The following EFCAB11 variants were observed in gnomAD, a reference collection of about 807,000 sequenced individuals.
The protein encoded by EFCAB11 is EF-hand calcium-binding domain-containing protein 11.
Under a neutral mutation model 23.0 loss-of-function variants are expected in EFCAB11, and 14 were observed. The ratio of observed to expected loss-of-function variants is 0.61; its 90% CI spans 0.40 to 0.95. EFCAB11 has a LOEUF of 0.95. Ranked by LOEUF, EFCAB11 falls within the 40% of genes least tolerant of loss-of-function variation. The pLI is 0.00. For missense variants in EFCAB11, 198 were observed against 195.8 expected (o/e 1.01, Z -0.07); for synonymous variants, 65 against 66.6 (o/e 0.98, Z 0.11).
At chr14:89,817,950 C>T (rs905338334) in intron 5 of EFCAB11, among the ~76,000 whole-genome samples, 62 of 151,906 alleles carry the variant, frequency 4.1e-4, no homozygotes, top group Admixed American at 3.7e-3. Context: ...GCCAAGATCA[C>T]GCCACCGTAC....
chr14:89,944,486 T>C (rs1890897107), intron 3 of EFCAB11, among the ~76,000 whole-genome samples: 1 of 152,140 alleles, frequency 6.6e-6, no homozygotes, highest in African/African-American at 2.4e-5. Flanking sequence ...GGGTAAGATC[T>C]TCATCCAGAA....
intron 5 of EFCAB11, chr14:89,923,730 C>G (rs1890093343): frequency 1.0e-6 from 1 of 985,236 alleles, no homozygotes; most frequent in African/African-American, 1.7e-5. Flanking sequence ...TGTGATCTTA[C>G]TGAAGTTGCA....
intron 5 of EFCAB11, among the ~76,000 whole-genome samples, chr14:89,866,336 G>A (rs532141327): frequency 1.3e-5 from 2 of 152,094 alleles, no homozygotes; most frequent in Non-Finnish European, 2.9e-5. Flanking sequence ...CCAATTAAAC[G>A]CATGGCCAGG....
intron 5 of EFCAB11, among the ~76,000 whole-genome samples, chr14:89,872,203 T>C (rs1888295494): frequency 6.6e-6 from 1 of 152,248 alleles, no homozygotes; most frequent in African/African-American, 2.4e-5. Flanking sequence ...ACAGTTTCTC[T>C]CCATTTGTTC....
chr14:89,924,484 G>A (rs912817170), intron 5 of EFCAB11: 5 of 1,394,328 alleles, frequency 3.6e-6, no homozygotes, highest in Admixed American at 6.1e-5. Context: ...ACTGACAGGT[G>A]GTGGGAATGT....
chr14:89,953,039 C>T (rs1891232403), intron 2 of EFCAB11, among the ~76,000 whole-genome samples: 3 of 152,098 alleles, frequency 2.0e-5, no homozygotes, highest in Non-Finnish European at 4.4e-5. Context: ...AGGCTCAGCT[C>T]AACTCTCATT....
In EFCAB11 at chr14:89,796,636, G is replaced by A. The variant is rs1026236796; in HGVS notation, c.*607C>T. 8 of 152,158 alleles carry A rather than the reference G, an allele frequency of 5.3e-5. No homozygotes were observed. The highest frequency in any genetic ancestry group is 1.9e-4 in the African/African-American group (8 of 41,414). 9.4% of individuals were successfully genotyped at this position (152,158 alleles called of 1,614,324 possible). A position where few individuals can be genotyped will look rare whatever the true frequency, so the allele number is the denominator to read the frequency against. On this transcript the variant is annotated 3_prime_UTR_variant, in exon 6 of 6. Coordinates refer to ENST00000316738, the MANE Select transcript of EFCAB11 (RefSeq NM_145231.4). ...AAGTCTTAAGCCTATGCTTCCCAAGGCCTGGCTGATTGCTTGGAACATAGT... is the reference window on the plus strand; with the variant it reads ...AAGTCTTAAGCCTATGCTTCCCAAGACCTGGCTGATTGCTTGGAACATAGT...
At chr14:89,813,977 A>C (rs1234415868) in intron 5 of EFCAB11, among the ~76,000 whole-genome samples, 1 of 151,962 alleles carries the variant, frequency 6.6e-6, no homozygotes, top group Non-Finnish European at 1.5e-5. Context: ...TCTTTCAGTG[A>C]CTACATGGTC....
At chr14:89,843,668 G>A (rs111638696) in intron 5 of EFCAB11, among the ~76,000 whole-genome samples, 4 of 152,106 alleles carry the variant, frequency 2.6e-5, no homozygotes, top group Admixed American at 6.5e-5. Context: ...ACTTTATTAC[G>A]TTAACATATA....
At chr14:89,919,204 C>CAGAG (rs61549850) in intron 5 of EFCAB11, among the ~76,000 whole-genome samples, 28 of 147,766 alleles carry the variant, frequency 1.9e-4, no homozygotes, top group East Asian at 1.2e-3. Context: ...GAGAGAGAGA[C>CAGAG]AGAGAGAGAG....
intron 5 of EFCAB11, among the ~76,000 whole-genome samples, chr14:89,817,663 T>G (rs892705108): frequency 3.3e-5 from 5 of 152,158 alleles, no homozygotes; most frequent in African/African-American, 7.2e-5. Context: ...GGTATTTAGA[T>G]TCACTATTTA....
chr14:89,836,779 G>A (rs1804430847), intron 5 of EFCAB11: 5 of 411,342 alleles, frequency 1.2e-5, no homozygotes, highest in South Asian at 7.2e-5. Context: ...AGCACTTTGG[G>A]AGGCTGAGGT....
chr14:89,882,377 T>C (rs1888630072), intron 5 of EFCAB11, among the ~76,000 whole-genome samples: 1 of 152,170 alleles, frequency 6.6e-6, no homozygotes, highest in Non-Finnish European at 1.5e-5. Flanking sequence ...TTTGATATAG[T>C]GACTTTGACT....
chr14:89,880,599 A>G (rs1419195073), intron 5 of EFCAB11, among the ~76,000 whole-genome samples: 6 of 152,058 alleles, frequency 3.9e-5, no homozygotes, highest in African/African-American at 1.4e-4. Flanking sequence ...TAATTAGTTG[A>G]AAAATAATGA....
chr14:89,926,456 C>T (rs1199752347), intron 5 of EFCAB11, among the ~76,000 whole-genome samples: 6 of 152,028 alleles, frequency 3.9e-5, no homozygotes, highest in Non-Finnish European at 7.4e-5. Flanking sequence ...TAACAAGATA[C>T]AGCAAAATAA....
intron 5 of EFCAB11, among the ~76,000 whole-genome samples, chr14:89,816,208 A>G (rs747928933): frequency 6.6e-6 from 1 of 152,152 alleles, no homozygotes; most frequent in African/African-American, 2.4e-5. Flanking sequence ...GCATATATAA[A>G]TGGTACTGAT....
At chr14:89,895,338 G>GT (rs937614755) in intron 5 of EFCAB11, among the ~76,000 whole-genome samples, 2 of 152,176 alleles carry the variant, frequency 1.3e-5, no homozygotes, top group African/African-American at 4.8e-5. Context: ...ACAGTTTCTG[G>GT]TTTTTAACAA....
At chr14:89,914,588 T>C (rs1260283536) in intron 5 of EFCAB11, among the ~76,000 whole-genome samples, 3 of 152,120 alleles carry the variant, frequency 2.0e-5, no homozygotes, top group African/African-American at 4.8e-5. Context: ...AGTTGGAGAC[T>C]AGCCTGGCCA....
At chr14:89,927,164 C>T (rs1890219386) in intron 5 of EFCAB11, among the ~76,000 whole-genome samples, 1 of 152,130 alleles carries the variant, frequency 6.6e-6, no homozygotes, top group African/African-American at 2.4e-5. Flanking sequence ...TGCCTATGTC[C>T]AAGTCTCTTT....
Sources: allele counts gnomAD v4.1 joint callset (sites outside exome capture counted in the v4.1 genomes callset), GRCh38; gene constraint gnomAD v4.1.1; transcripts MANE v1.5; gene names NCBI Gene and HGNC (gene_info 2026-07-23, HGNC 2026-07-21).